NT5DC3: variants seen among roughly 807,000 people sequenced by gnomAD.
NT5DC3 encodes 5'-nucleotidase domain containing 3.
In NT5DC3, 42 loss-of-function variants were observed where a neutral mutation model predicts 67.8. The ratio of observed to expected loss-of-function variants is 0.62; its 90% CI spans 0.48 to 0.80. The LOEUF is 0.80. Ranked by LOEUF, NT5DC3 falls within the 30% of genes least tolerant of loss-of-function variation. The pLI is 0.00. For synonymous variants in NT5DC3, 237 were observed against 255.6 expected, an observed-to-expected ratio of 0.93 and a Z score of 0.69; for missense variants, 570 against 696.4, an observed-to-expected ratio of 0.82 and a Z score of 2.04.
the NT5DC3 span, among the ~76,000 whole-genome samples, chr12:103,750,888 G>A: frequency 6.6e-6 from 1 of 152,218 alleles, no homozygotes; most frequent in Non-Finnish European, 1.5e-5. Context: ...GTCAGGAGTT[G>A]GAGACCAGCC....
the NT5DC3 span, chr12:103,750,749 A>G: frequency 6.3e-7 from 1 of 1,597,498 alleles, no homozygotes; most frequent in East Asian, 2.2e-5. Flanking sequence ...TATGGCCCAA[A>G]GCACCCTCCT....
downstream of NT5DC3, chr12:103,766,372 C>A: frequency 6.3e-7 from 1 of 1,580,268 alleles, no homozygotes; most frequent in Non-Finnish European, 8.6e-7. Flanking sequence ...TCACTCACTG[C>A]CACCTGGGCC....
chr12:103,778,714 G>T (rs1885430680), intron 13 of NT5DC3, among the ~76,000 whole-genome samples: 1 of 151,092 alleles, frequency 6.6e-6, no homozygotes, highest in Non-Finnish European at 1.5e-5. Flanking sequence ...GCTGAAGTCG[G>T]AGAATCACTT....
At chr12:103,750,079 AGTT>A in the NT5DC3 span, among the ~76,000 whole-genome samples, 2 of 152,030 alleles carry the variant, frequency 1.3e-5, no homozygotes, top group African/African-American at 2.4e-5. Flanking sequence ...GACATCATAG[AGTT>A]GTTGTGGGGA....
the NT5DC3 span, among the ~76,000 whole-genome samples, chr12:103,748,747 C>T: frequency 6.6e-6 from 1 of 152,022 alleles, no homozygotes; most frequent in African/African-American, 2.4e-5. Flanking sequence ...CAGAAGCGGA[C>T]AGATGTCATC....
chr12:103,840,976 A>G lies in NT5DC3; in HGVS notation c.181T>C (p.Tyr61His). The change falls in exon 1 of 14, where the codon TAC becomes CAC. Residue 61 changes from tyrosine to histidine, a missense_variant. Physicochemically the swap from Tyr to His is moderately conservative, Grantham distance 83. Around this residue, in one of 2 missense-constraint regions of NT5DC3, gnomAD observed 104 missense variants for 88.4 expected, o/e 1.18. Coordinates refer to ENST00000392876, the MANE Select transcript of NT5DC3 (RefSeq NM_001031701.3). ...TCTGTGCTTCTCTTCGCCTCCCGGT[A>G]GCGCTCCCACAGGTAGCGCTTCATG... ...PDMKRYLWER[Y>H]REAKRSTEEL... The G allele has an allele frequency of 7.4e-7, 1 of 1,342,286 alleles. No individual in the cohort carries two copies. Among genetic ancestry groups the G allele is most frequent in the Non-Finnish European group, 9.6e-7 (1 of 1,041,642 alleles). 83.1% of individuals were successfully genotyped at this position (1,342,286 alleles called of 1,614,324 possible). A position where few individuals can be genotyped will look rare whatever the true frequency, so the allele number is the denominator to read the frequency against.
chr12:103,796,850 G>A, intron 6 of NT5DC3, 44 bp downstream of exon 6: 1 of 1,609,556 alleles, frequency 6.2e-7, no homozygotes, highest in Non-Finnish European at 8.5e-7. Flanking sequence ...CACTGAAAAG[G>A]CTGAAACAGA....
At chr12:103,780,483 G>T in intron 12 of NT5DC3, 119 bp from the exon 13 acceptor site, 2 of 818,568 alleles carry the variant, frequency 2.4e-6, no homozygotes, top group Admixed American at 4.1e-5. Flanking sequence ...CATCTCAGAG[G>T]CTGGCACCTG....
chr12:103,838,118 C>G (rs138228139), intron 1 of NT5DC3, among the ~76,000 whole-genome samples: 1 of 152,164 alleles, frequency 6.6e-6, no homozygotes, highest in African/African-American at 2.4e-5. Context: ...AAAGCGGAAA[C>G]CCCTGATAAA....
chr12:103,762,994 A>G, the NT5DC3 span, among the ~76,000 whole-genome samples: 1 of 152,146 alleles, frequency 6.6e-6, no homozygotes, highest in African/African-American at 2.4e-5. Flanking sequence ...CTCTCCTCAA[A>G]ACACTCCTGG....
At chr12:103,831,211 A>T (rs1359561963) in intron 1 of NT5DC3, among the ~76,000 whole-genome samples, 1 of 152,148 alleles carries the variant, frequency 6.6e-6, no homozygotes, top group Non-Finnish European at 1.5e-5. Context: ...ATAGTGAGTG[A>T]GTCTCATGAG....
intron 13 of NT5DC3, among the ~76,000 whole-genome samples, chr12:103,779,507 T>C (rs908386475): frequency 6.6e-6 from 1 of 152,080 alleles, no homozygotes; most frequent in Non-Finnish European, 1.5e-5. Context: ...ACAAACTAAA[T>C]GCAATACAGC....
intron 1 of NT5DC3, among the ~76,000 whole-genome samples, chr12:103,835,927 C>T (rs1203752069): frequency 1.3e-5 from 2 of 152,094 alleles, no homozygotes; most frequent in South Asian, 2.1e-4. Flanking sequence ...AGAATCATGG[C>T]GGGAGGTGAA....
At position 103,778,001 on chromosome 12, in the gene NT5DC3, C is replaced by T; in HGVS notation, c.1475G>A (p.Arg492His). The stretch of plus-strand genomic sequence containing the variant: ...GTAGATGTCAGCGAAGCGCGACAGG[C>T]GCCTTAGGAAGTAGGTTGGGTTCTG... ...TDQNPTYFLRRLSRFADIYMA... is the reference protein window; with the variant it reads ...TDQNPTYFLRHLSRFADIYMA... The change falls in exon 14 of 14, where the codon CGC becomes CAC. Residue 492 changes from arginine to histidine, a missense_variant. Around this residue, in one of 2 missense-constraint regions of NT5DC3, gnomAD observed 466 missense variants for 608.0 expected, o/e 0.77. Transcript: ENST00000392876. 6.2e-7 allele frequency: 1 copy of T among 1,614,178 alleles called. No homozygotes were observed. The highest frequency in any genetic ancestry group is 1.3e-5 in the African/African-American group (1 of 75,054).
the NT5DC3 span, chr12:103,758,220 A>G: frequency 6.2e-7 from 1 of 1,614,096 alleles, no homozygotes; most frequent in East Asian, 2.2e-5. Flanking sequence ...CATTTCTAGA[A>G]CACCTGACTG....
chr12:103,768,946 A>G (rs967005478), downstream of NT5DC3: 1 of 152,068 alleles, frequency 6.6e-6, no homozygotes, highest in African/African-American at 2.4e-5. Flanking sequence ...GACATCATCG[A>G]AGACCCAGTG....
chr12:103,833,142 G>T (rs11111806), intron 1 of NT5DC3, among the ~76,000 whole-genome samples: 27,679 of 152,062 alleles, frequency 0.18, 2,661 homozygotes, highest in Middle Eastern at 0.31. Context: ...ACCTCAAAAA[G>T]GGGCCTCCAC....
At chr12:103,787,738 T>C (rs530187260) in intron 10 of NT5DC3, among the ~76,000 whole-genome samples, 1 of 152,364 alleles carries the variant, frequency 6.6e-6, no homozygotes, top group South Asian at 2.1e-4. Context: ...TCACTGTAAC[T>C]ATCTTTCCAC....
At chr12:103,839,943 C>T (rs1888308795) in intron 1 of NT5DC3, among the ~76,000 whole-genome samples, 1 of 152,204 alleles carries the variant, frequency 6.6e-6, no homozygotes, top group African/African-American at 2.4e-5. Context: ...CTATGTGCCA[C>T]CTCCACAACA....
Sources: gnomAD v4.1 joint callset for allele counts (sites outside exome capture counted in the v4.1 genomes callset) on GRCh38, gnomAD v4.1.1 for gene constraint, gnomAD v4.1.1 regional missense constraint, MANE v1.5 for transcripts, NCBI Gene and HGNC (gene_info 2026-07-23, HGNC 2026-07-21) for gene names.